The following SARDH variants were observed in gnomAD, a reference collection of about 807,000 sequenced individuals.
SARDH encodes sarcosine dehydrogenase.
In SARDH, 95 loss-of-function variants were observed where a neutral mutation model predicts 109.1. That is an observed-to-expected ratio of 0.87 (90% confidence interval 0.74 to 1.03). The LOEUF is 1.03. Ranked by LOEUF, SARDH falls within the 50% of genes least tolerant of loss-of-function variation. SARDH has a pLI of 0.00. For synonymous variants in SARDH, 572 were observed against 534.8 expected, an observed-to-expected ratio of 1.07 and a Z score of -0.96; for missense variants, 1,267 against 1,287.8, an observed-to-expected ratio of 0.98 and a Z score of 0.25.
intron 11 of SARDH, among the ~76,000 whole-genome samples, chr9:133,707,531 G>A (rs1411596781): frequency 6.6e-6 from 1 of 152,162 alleles, no homozygotes; most frequent in Non-Finnish European, 1.5e-5. Context: ...GGAATCTCAG[G>A]TGAGGGAGGC....
At chr9:133,660,645 T>C (rs1037225218), downstream of SARDH, among the ~76,000 whole-genome samples, 1 of 152,076 alleles carries the variant, frequency 6.6e-6, no homozygotes, top group African/African-American at 2.4e-5. Context: ...GGCTTGGGTC[T>C]CCCTATCTGC....
intron 17 of SARDH, among the ~76,000 whole-genome samples, chr9:133,675,100 T>C (rs1830471599): frequency 6.6e-6 from 1 of 152,046 alleles, no homozygotes; most frequent in Non-Finnish European, 1.5e-5. Flanking sequence ...TCCCAGCACT[T>C]TGGGAGACCA....
intron 17 of SARDH, among the ~76,000 whole-genome samples, chr9:133,673,744 A>G (rs1830427243): frequency 6.6e-6 from 1 of 152,240 alleles, no homozygotes; most frequent in African/African-American, 2.4e-5. Flanking sequence ...TAGATAGCCT[A>G]TGGAGGAGCT....
chr9:133,701,758 A>C (rs889528427), intron 13 of SARDH, among the ~76,000 whole-genome samples: 1 of 152,130 alleles, frequency 6.6e-6, no homozygotes, highest in Non-Finnish European at 1.5e-5. Flanking sequence ...TTCCTGCAGG[A>C]GCCCCCTCTT....
chr9:133,717,487 T>C (rs1350842882), intron 7 of SARDH, 32 bp from the exon 8 acceptor site: 1 of 1,612,766 alleles, frequency 6.2e-7, no homozygotes, highest in African/African-American at 1.3e-5. Context: ...ACATCTCCGT[T>C]GTCCCCAAGA....
At chr9:133,665,288 T>C (rs961346002) in intron 20 of SARDH, among the ~76,000 whole-genome samples, 6 of 152,284 alleles carry the variant, frequency 3.9e-5, no homozygotes, top group Middle Eastern at 3.4e-3. Context: ...TACTGTTCTT[T>C]GAAGAAATGG....
rs1035681634 is a variant in SARDH at position 133,709,897 on chromosome 9, G to A, written c.1329-1469C>T. ...GCCCACACCTGCGCCAGGCTATGCT[G>A]ACCAGGAGCTGAAGGAGGGGGTGAT... On this transcript the variant is annotated intron_variant, in intron 10 of 20. Transcript: ENST00000439388. The surrounding 1 kb of genome is among the most constrained non-coding windows in gnomAD (Gnocchi z 4.2). Among the ~76,000 whole-genome samples, 4 of 152,136 alleles carry A rather than the reference G, an allele frequency of 2.6e-5. No homozygotes were observed. The highest frequency in any genetic ancestry group is 9.7e-5 in the African/African-American group (4 of 41,424).
chr9:133,688,020 G>C (rs916027700), intron 16 of SARDH, among the ~76,000 whole-genome samples: 1 of 152,014 alleles, frequency 6.6e-6, no homozygotes, highest in African/African-American at 2.4e-5. Context: ...ACCTTGATCG[G>C]TCCATCTGCC....
rs930154325 is a variant in SARDH, at chr9:133,666,371, A to G, written c.2631+364T>C. Among the ~76,000 whole-genome samples the G allele has an allele frequency of 1.7e-4, 26 of 152,176 alleles. No individual in the cohort carries two copies. Among genetic ancestry groups the G allele is most frequent in the Admixed American group, 3.9e-4 (6 of 15,286 alleles). The stretch of plus-strand genomic sequence containing the variant: ...CTGGCACCTCCTTCTAACCAAAAAA[A>G]GCCTGGAATCACCAAAGTCGGATTC... On this transcript the variant is annotated intron_variant, in intron 20 of 20. Coordinates refer to ENST00000439388, the MANE Select transcript of SARDH (RefSeq NM_001134707.2). The surrounding 1 kb of genome is among the most constrained non-coding windows in gnomAD (Gnocchi z 5.2).
chr9:133,663,046 CAAG>C (rs1027861538), downstream of SARDH, among the ~76,000 whole-genome samples: 2 of 152,202 alleles, frequency 1.3e-5, no homozygotes, highest in African/African-American at 4.8e-5. Context: ...AAGGGCCAGA[CAAG>C]GAGGAGGGCA....
intron 17 of SARDH, among the ~76,000 whole-genome samples, chr9:133,675,363 A>AG (rs1830480829): frequency 6.7e-6 from 1 of 149,100 alleles, no homozygotes; most frequent in Non-Finnish European, 1.5e-5. Flanking sequence ...AAAAAAAAAA[A>AG]TAGGCAAGGG....
In SARDH at chr9:133,706,133, G is replaced by A. The variant is rs564001283; in HGVS notation, c.1471-1102C>T. 3.3e-5 allele frequency among the ~76,000 whole-genome samples: 5 copies of A among 152,342 alleles called. No individual in the cohort carries two copies. The South Asian group carries it at 8.3e-4, about 25-fold the overall frequency. ...AAGTATGCACAAGAGAACTGAGAGC[G>A]GGGTTGTAAACAAATTCCGTTCACG... On this transcript the variant is annotated intron_variant, in intron 11 of 20. Coordinates refer to ENST00000439388, the MANE Select transcript of SARDH (RefSeq NM_001134707.2).
intron 1 of SARDH, among the ~76,000 whole-genome samples, chr9:133,734,440 C>CTCATTCAT (rs3081200): frequency 9.8e-6 from 1 of 102,122 alleles, no homozygotes; most frequent in South Asian, 2.6e-4. Flanking sequence ...CATTCATTCA[C>CTCATTCAT]TCATTCATTC....
intron 19 of SARDH, among the ~76,000 whole-genome samples, chr9:133,667,327 C>T (rs1048075648): frequency 2.6e-5 from 4 of 151,732 alleles, no homozygotes; most frequent in East Asian, 3.9e-4. Flanking sequence ...CCACCATGCC[C>T]GGCTAATTTT....
chr9:133,683,499 CG>C (rs1013652726), intron 17 of SARDH, among the ~76,000 whole-genome samples: 6 of 152,230 alleles, frequency 3.9e-5, no homozygotes, highest in Admixed American at 3.9e-4. Flanking sequence ...GAGCTGGAGT[CG>C]GGCCATCTGA....
rs769451550 is a variant in SARDH, at chr9:133,731,160, A to G, written c.690+145T>C. The G allele has an allele frequency of 4.9e-4, 508 of 1,033,470 alleles. 1 individual carries two copies. The highest frequency in any genetic ancestry group is 6.8e-4 in the Non-Finnish European group (491 of 722,204). 64.0% of individuals were successfully genotyped at this position (1,033,470 alleles called of 1,614,324 possible). On this transcript the variant is annotated intron_variant, in intron 4 of 20. Coordinates refer to ENST00000439388, the MANE Select transcript of SARDH (RefSeq NM_001134707.2). ...AGCCTCCCCTTGGCAGGAGTGGACC[A>G]GAAGGCTCAGAGAGGTCCTCACTGG...
At chr9:133,736,246 GC>G (rs1832880346) in intron 1 of SARDH, among the ~76,000 whole-genome samples, 1 of 152,214 alleles carries the variant, frequency 6.6e-6, no homozygotes, top group African/African-American at 2.4e-5. Context: ...CTCAGGAGCA[GC>G]CCCCCGCCTG....
At chr9:133,680,947 G>C (rs1830675695) in intron 17 of SARDH, among the ~76,000 whole-genome samples, 1 of 152,228 alleles carries the variant, frequency 6.6e-6, no homozygotes, top group East Asian at 1.9e-4. Context: ...GTCCCCGATG[G>C]ACCCCACGGA....
At position 133,724,260 on chromosome 9, in the gene SARDH, T is replaced by C. The variant is rs145417798; in HGVS notation, c.916-5218A>G. On this transcript the variant is annotated intron_variant, in intron 6 of 20. Coordinates refer to ENST00000439388, the MANE Select transcript of SARDH (RefSeq NM_001134707.2). The stretch of plus-strand genomic sequence containing the variant: ...AATGGAAGAAAATGTTCATAAATCA[T>C]ATATGTAACAAAGGACCTGTATCCA... Among the ~76,000 whole-genome samples the C allele has an allele frequency of 8.0e-4, 122 of 152,300 alleles. 1 individual carries two copies. In the East Asian group the frequency reaches 0.022, roughly 27 times the overall value.
Sources: allele counts gnomAD v4.1 joint callset (sites outside exome capture counted in the v4.1 genomes callset), GRCh38; gene constraint gnomAD v4.1.1; non-coding constraint Gnocchi (gnomAD v3.1); transcripts MANE v1.5; gene names NCBI Gene and HGNC (gene_info 2026-07-23, HGNC 2026-07-21).